The following APLP1 variants were observed in gnomAD, a reference collection of about 807,000 sequenced individuals.
APLP1 encodes amyloid beta (A4) precursor-like protein 1.
A neutral mutation model predicts 84.5 loss-of-function variants in APLP1; 46 were observed. That is an observed-to-expected ratio of 0.54 (90% confidence interval 0.43 to 0.70). The LOEUF (loss-of-function observed/expected upper bound fraction) is 0.70, where lower values mean the gene tolerates loss of function less well. APLP1 is among the 30% of genes least tolerant of loss of function. The pLI, the probability that APLP1 is intolerant of heterozygous loss-of-function variation, is 0.00. For missense variants in APLP1, 826 were observed against 900.2 expected, an observed-to-expected ratio of 0.92 and a Z score of 1.05; for synonymous variants, 376 against 364.0, an observed-to-expected ratio of 1.03 and a Z score of -0.38.
intron 2 of APLP1, 111 bp downstream of exon 2, chr19:35,869,921 C>A: frequency 2.2e-6 from 3 of 1,392,470 alleles, no homozygotes; most frequent in Non-Finnish European, 2.9e-6. Flanking sequence ...GGGGCGTGGC[C>A]AATAAAGAGG....
In APLP1 at chr19:35,874,948, G is replaced by C; in HGVS notation, c.1344+79G>C. On this transcript the variant is annotated intron_variant, in intron 10 of 16. Coordinates refer to ENST00000221891, the MANE Select transcript of APLP1 (RefSeq NM_001024807.3). This position sits in a 1 kb window ranked among gnomAD's most constrained non-coding sequence, Gnocchi z 6.4. ...CCTCAGGCTCTTCTCTTGTCCCTTA[G>C]ACCCTCTTTCTGTCTCTTGGACCCC... The C allele has an allele frequency of 6.5e-7, 1 of 1,539,786 alleles. No homozygotes were observed. Among genetic ancestry groups the C allele is most frequent in the Non-Finnish European group, 8.7e-7 (1 of 1,146,984 alleles).
rs1293805596 is a variant in APLP1 at position 35,878,890 on chromosome 19, G to A, written c.1651G>A (p.Val551Met). 3 of 1,614,124 alleles carry A rather than the reference G, an allele frequency of 1.9e-6. No individual in the cohort carries two copies. The highest frequency in any genetic ancestry group is 1.3e-5 in the African/African-American group (1 of 75,016). The change falls in exon 15 of 17, where the codon GTG (valine) becomes ATG (methionine). Residue 551 changes from valine (V) to methionine (M), a missense_variant and splice_region_variant. Val to Met is a conservative substitution (Grantham distance 21). Around this residue, in one of 3 missense-constraint regions of APLP1, gnomAD observed 433 missense variants for 496.5 expected, o/e 0.87. Coordinates refer to ENST00000221891, the MANE Select transcript of APLP1 (RefSeq NM_001024807.3). ...MNPLEQYERK[V>M]NASVPRGFPF... ...TTCCTGACACCTCCTGCTCCCCCAG[G>A]TGAATGCGTCTGTTCCAAGGGGTTT... is the stretch of plus-strand genomic sequence containing the variant.
chr19:35,876,122 C>T (rs1974277056), intron 10 of APLP1, among the ~76,000 whole-genome samples: 1 of 152,220 alleles, frequency 6.6e-6, no homozygotes. Flanking sequence ...CCCTCAACCT[C>T]CTTTCTCCAT....
At chr19:35,872,384 T>C in intron 6 of APLP1, 99 bp from the exon 7 acceptor site, 1 of 1,492,834 alleles carries the variant, frequency 6.7e-7, no homozygotes, top group South Asian at 1.3e-5. Context: ...ACTGGGTGCA[T>C]GATGGTCTCC....
Position 35,871,028 on chromosome 19 carries a change from C to A in APLP1, c.424C>A (p.Pro142Thr), listed in dbSNP as rs202136254. The A allele has an allele frequency of 9.8e-6, 15 of 1,524,878 alleles. No homozygotes were observed. Among genetic ancestry groups the A allele is most frequent in the East Asian group, 2.4e-5 (1 of 41,880 alleles). 94.5% of individuals were successfully genotyped at this position (1,524,878 alleles called of 1,614,324 possible). A position where few individuals can be genotyped will look rare whatever the true frequency, so the allele number is the denominator to read the frequency against. The change falls in exon 3 of 17, where the codon CCT (proline) becomes ACT (threonine). Residue 142 changes from proline to threonine, a missense_variant and splice_region_variant. Pro to Thr is a conservative substitution (Grantham distance 38). Transcript: ENST00000221891. The stretch of plus-strand genomic sequence containing the variant: ...CCAGGTTGTGCCCTTCCGCTGCCTG[C>A]GTGAGTCCCAGGCGGGGAGAGGGGA... ...HHQVVPFRCL[P>T]GEFVSEALLV...
chr19:35,875,786 A>G (rs181178715), intron 10 of APLP1, among the ~76,000 whole-genome samples: 1 of 141,088 alleles, frequency 7.1e-6, no homozygotes, highest in African/African-American at 2.7e-5. Context: ...TTTTGCACCA[A>G]TCTAATATTT....
chr19:35,871,751 T>C lies in APLP1; in HGVS notation c.671+6T>C, dbSNP rs932128432. Reference sequence around the variant, plus strand: ...CCATCTGGGACAGCAGTTGGGTGAGTGGGAGGGAACCCTCCATGCCCATCT... The same window carrying C: ...CCATCTGGGACAGCAGTTGGGTGAGCGGGAGGGAACCCTCCATGCCCATCT... On this transcript the variant is annotated splice_donor_region_variant and intron_variant, in intron 5 of 16. Transcript: ENST00000221891. 11 of 1,613,636 alleles carry C rather than the reference T, an allele frequency of 6.8e-6. No homozygotes were observed. Among genetic ancestry groups the C allele is most frequent in the Non-Finnish European group, 9.3e-6 (11 of 1,179,894 alleles).
Position 35,871,270 on chromosome 19 carries a change from C to T in APLP1, c.458C>T (p.Pro153Leu). 1.9e-6 allele frequency: 3 copies of T among 1,613,682 alleles called. No individual in the cohort carries two copies. Among genetic ancestry groups the T allele is most frequent in the Non-Finnish European group, 2.5e-6 (3 of 1,179,860 alleles). The change falls in exon 4 of 17, where the codon CCT becomes CTT. Residue 153 changes from proline (P) to leucine (L), a missense_variant. Physicochemically the swap from Pro to Leu is moderately conservative, Grantham distance 98. Around this residue, in one of 3 missense-constraint regions of APLP1, gnomAD observed 383 missense variants for 378.3 expected, o/e 1.01. Transcript: ENST00000221891. ...GEFVSEALLV[P>L]EGCRFLHQER... is the part of the protein sequence containing the mutation. ...TTTGTGAGTGAGGCCCTGCTGGTGC[C>T]TGAAGGCTGCCGGTTCTTGCACCAG...
chr19:35,870,276 G>C (rs757538518), intron 2 of APLP1: 2 of 183,406 alleles, frequency 1.1e-5, no homozygotes, highest in African/African-American at 4.8e-5. Flanking sequence ...AGACGAATCT[G>C]ACTGCGGGGA....
chr19:35,878,587 C>A lies in APLP1; in HGVS notation c.1583C>A (p.Ser528Tyr). The A allele has an allele frequency of 6.2e-7, 1 of 1,613,716 alleles. No individual in the cohort carries two copies. Among genetic ancestry groups the A allele is most frequent in the Non-Finnish European group, 8.5e-7 (1 of 1,179,930 alleles). ...ADTPMTLPKG[S>Y]TEQDAASPEK... is the part of the protein sequence containing the mutation. ...ATGAGATCAGACTTGGGGGTAGGGT[C>A]CACAGAACAAGATGCTGCATCCCCT... The change falls in exon 14 of 17, where the codon TCC (serine) becomes TAC (tyrosine). Residue 528 changes from serine (S) to tyrosine (Y), a missense_variant. Ser to Tyr is a moderately radical substitution (Grantham distance 144). Around this residue, in one of 3 missense-constraint regions of APLP1, gnomAD observed 433 missense variants for 496.5 expected, o/e 0.87. Coordinates refer to ENST00000221891, the MANE Select transcript of APLP1 (RefSeq NM_001024807.3).
chr19:35,878,564 G>T lies in APLP1; in HGVS notation c.1580-20G>T. The T allele has an allele frequency of 6.2e-7, 1 of 1,608,896 alleles. No homozygotes were observed. Among genetic ancestry groups the T allele is most frequent in the East Asian group, 2.2e-5 (1 of 44,848 alleles). ...CTGTCTAAAGAAAAAAAAAAAGAATGAGATCAGACTTGGGGGTAGGGTCCA... is the reference window on the plus strand; with the variant it reads ...CTGTCTAAAGAAAAAAAAAAAGAATTAGATCAGACTTGGGGGTAGGGTCCA... On this transcript the variant is annotated intron_variant, in intron 13 of 16. Coordinates refer to ENST00000221891, the MANE Select transcript of APLP1 (RefSeq NM_001024807.3).
chr19:35,879,254 TC>T (rs747122497), intron 16 of APLP1, 37 bp downstream of exon 16: 4 of 1,609,224 alleles, frequency 2.5e-6, no homozygotes, highest in Non-Finnish European at 3.4e-6. Flanking sequence ...TGGGAAGAGT[TC>T]CTGAGCCCGG....
Position 35,871,305 on chromosome 19 carries a change from G to A in APLP1, c.493G>A (p.Asp165Asn), listed in dbSNP as rs756476128. The change falls in exon 4 of 17, where the codon GAC (aspartate) becomes AAC (asparagine). Residue 165 changes from aspartate (D) to asparagine (N), a missense_variant. By Grantham distance (23) the Asp-to-Asn change is conservative. This residue lies in a region of APLP1 where 383 missense variants were observed against 378.3 expected (regional missense o/e 1.01). Coordinates refer to ENST00000221891, the MANE Select transcript of APLP1 (RefSeq NM_001024807.3). ...GCRFLHQERM[D>N]QCESSTRRHQ... is the part of the protein sequence containing the mutation. ...CCGGTTCTTGCACCAGGAGCGCATGGACCAATGTGAGAGTTCAACCCGGAG... is the reference window on the plus strand; with the variant it reads ...CCGGTTCTTGCACCAGGAGCGCATGAACCAATGTGAGAGTTCAACCCGGAG... 1.2e-6 allele frequency: 2 copies of A among 1,613,248 alleles called. No homozygotes were observed. The highest frequency in any genetic ancestry group is 2.7e-5 in the African/African-American group (2 of 74,850).
At position 35,871,976 on chromosome 19, in the gene APLP1, G is replaced by A; in HGVS notation, c.790G>A (p.Glu264Lys). ...TTACTTCGTGGAGCCTCCGCAGGCT[G>A]AAGAGGAAGAGGAAACGGTCCCACC... The part of the protein sequence containing the change: ...DDYFVEPPQA[E>K]EEEETVPPPS... The change falls in exon 6 of 17, where the codon GAA becomes AAA. Residue 264 changes from glutamate to lysine, a missense_variant. Glu to Lys is a moderately conservative substitution (Grantham distance 56). This residue lies in a region of APLP1 where 383 missense variants were observed against 378.3 expected (regional missense o/e 1.01). Transcript: ENST00000221891. 1 of 1,614,154 alleles carries A rather than the reference G, an allele frequency of 6.2e-7. No individual in the cohort carries two copies. The highest frequency in any genetic ancestry group is 8.5e-7 in the Non-Finnish European group (1 of 1,180,026).
In APLP1 at chr19:35,868,828, C is replaced by G. The variant is rs1272055380; in HGVS notation, c.147+45C>G. ...TGGGGGATGGGGGAAGGGGCGGGAC[C>G]GGGTCTCTGGACGCCGGCGCGGACA... On this transcript the variant is annotated intron_variant, in intron 1 of 16. Transcript: ENST00000221891. This position sits in a 1 kb window ranked among gnomAD's most constrained non-coding sequence, Gnocchi z 5.2. 2 of 1,260,576 alleles carry G rather than the reference C, an allele frequency of 1.6e-6. No individual in the cohort carries two copies. Among genetic ancestry groups the G allele is most frequent in the Non-Finnish European group, 2.0e-6 (2 of 1,000,750 alleles). The allele number at this position is 1,260,576 out of a possible 1,614,324, so 78.1% of individuals were successfully genotyped here. A position where few individuals can be genotyped will look rare whatever the true frequency, so the allele number is the denominator to read the frequency against.
rs1974046461 is a variant in APLP1 at position 35,868,615 on chromosome 19, G to T, written c.-22G>T. The T allele has an allele frequency of 7.7e-7, 1 of 1,303,202 alleles. No homozygotes were observed. The highest frequency in any genetic ancestry group is 1.5e-5 in the African/African-American group (1 of 64,576). The allele number at this position is 1,303,202 out of a possible 1,614,324, so 80.7% of individuals were successfully genotyped here. A position where few individuals can be genotyped will look rare whatever the true frequency, so the allele number is the denominator to read the frequency against. Reference sequence around the variant, plus strand: ...CGGGCCGGGCGGGAGTGCAGGGGACGTGAGGGCGCAAGGGCCGGGACATGG... The same window carrying T: ...CGGGCCGGGCGGGAGTGCAGGGGACTTGAGGGCGCAAGGGCCGGGACATGG... On this transcript the variant is annotated 5_prime_UTR_variant, in exon 1 of 17. Transcript: ENST00000221891. This position sits in a 1 kb window ranked among gnomAD's most constrained non-coding sequence, Gnocchi z 5.2.
chr19:35,878,198 A>G, intron 13 of APLP1, 90 bp downstream of exon 13: 1 of 1,383,050 alleles, frequency 7.2e-7, no homozygotes, highest in Non-Finnish European at 1.0e-6. Flanking sequence ...GGAACCTCAG[A>G]CCCCCTGGGG....
At chr19:35,871,208 T>C (rs375834487) in intron 3 of APLP1, 29 bp from the exon 4 acceptor site, 2 of 1,602,932 alleles carry the variant, frequency 1.2e-6, no homozygotes, top group African/African-American at 2.7e-5. Flanking sequence ...TATAGGAGGA[T>C]CTCACCCTGG....
chr19:35,878,174 G>A (rs1429965817), intron 13 of APLP1, 66 bp downstream of exon 13: 2 of 1,546,010 alleles, frequency 1.3e-6, no homozygotes, highest in Non-Finnish European at 1.8e-6. Context: ...GAAGGAAACA[G>A]GGTCCATCCA....
Sources: gnomAD v4.1 joint callset for allele counts (sites outside exome capture counted in the v4.1 genomes callset) on GRCh38, gnomAD v4.1.1 for gene constraint, gnomAD v4.1.1 regional missense constraint, Gnocchi (gnomAD v3.1) non-coding constraint, MANE v1.5 for transcripts, NCBI Gene and HGNC (gene_info 2026-07-23, HGNC 2026-07-21) for gene names.